The following GLDC variants were observed in gnomAD, a reference collection of about 807,000 sequenced individuals.
GLDC encodes the protein glycine decarboxylase, also known as glycine dehydrogenase (decarboxylating), mitochondrial.
In GLDC, 104 loss-of-function variants were observed where a neutral mutation model predicts 121.3. That is an observed-to-expected ratio of 0.86 (90% CI 0.73 to 1.01). The LOEUF (loss-of-function observed/expected upper bound fraction) is 1.01. Among genes scored for constraint, GLDC ranks in the 50% least tolerant of loss-of-function variants. GLDC has a pLI of 0.00. For missense variants in GLDC, 1,429 were observed against 1,306.6 expected, an observed-to-expected ratio of 1.09 and a Z score of -1.44; for synonymous variants, 546 against 480.6, an observed-to-expected ratio of 1.14 and a Z score of -1.78.
At chr9:6,588,339 T>A in intron 14 of GLDC, 62 bp downstream of exon 14, 1 of 1,110,646 alleles carries the variant, frequency 9.0e-7, no homozygotes, top group Admixed American at 1.7e-5. Context: ...AGTTCTGGGC[T>A]TAGGTGGAAG....
chr9:6,588,152 G>T (rs890591019), intron 14 of GLDC, among the ~76,000 whole-genome samples: 5 of 150,370 alleles, frequency 3.3e-5, no homozygotes, highest in Non-Finnish European at 5.9e-5. Flanking sequence ...AGGATAGAAA[G>T]GCATAAATAC....
chr9:6,540,059 T>C lies in GLDC; in HGVS notation c.2657A>G (p.Gln886Arg). ...TGTCAAAAGCCACTTACCATAATCC[T>C]GGAGTCTCTTGGCCACATCCACAGC... ...IEAVDVAKRLQDYGFHAPTMS... is the reference protein window; with the variant it reads ...IEAVDVAKRLRDYGFHAPTMS... Residue 886 changes from glutamine (Q) to arginine (R), a missense_variant, in exon 22 of 25, where the codon CAG becomes CGG. Transcript: ENST00000321612. 1 of 1,604,536 alleles carries C rather than the reference T, an allele frequency of 6.2e-7. No homozygotes were observed. The highest frequency in any genetic ancestry group is 1.3e-5 in the African/African-American group (1 of 74,870).
intron 3 of GLDC, among the ~76,000 whole-genome samples, chr9:6,612,154 A>C (rs181679628): frequency 2.4e-4 from 37 of 151,934 alleles, no homozygotes; most frequent in Non-Finnish European, 4.6e-4. Context: ...TCTTCAAGCA[A>C]AAATCCATTC....
intron 3 of GLDC, among the ~76,000 whole-genome samples, chr9:6,612,660 G>A (rs923969977): frequency 3.3e-5 from 5 of 152,088 alleles, no homozygotes; most frequent in Non-Finnish European, 5.9e-5. Flanking sequence ...TCAGGAGTTC[G>A]AGACGAGCCT....
intron 8 of GLDC, among the ~76,000 whole-genome samples, chr9:6,599,848 G>C (rs1334118340): frequency 1.3e-5 from 2 of 152,082 alleles, no homozygotes; most frequent in South Asian, 2.1e-4. Flanking sequence ...TTTGAAAAGA[G>C]GTGGCACCTT....
At chr9:6,596,676 A>T (rs1055955912) in intron 8 of GLDC, among the ~76,000 whole-genome samples, 1 of 152,236 alleles carries the variant, frequency 6.6e-6, no homozygotes, top group Non-Finnish European at 1.5e-5. Flanking sequence ...AATACAAAAC[A>T]AAACCACAGT....
Position 6,639,669 on chromosome 9 carries a change from GTATATATA to G in GLDC, c.334+4937_334+4944del. Reference sequence around the variant, plus strand: ...TATATCTTTTCACCATAAAAAAAAAGTATATATATATATATATATGGACAAAACAGATT... The same window carrying G: ...TATATCTTTTCACCATAAAAAAAAAGTATATATATATGGACAAAACAGATT... On this transcript the variant is annotated intron_variant, in intron 2 of 24. Transcript: ENST00000321612. 9.0e-6 allele frequency: 2 copies of G among 221,860 alleles called. 1 individual carries two copies. The highest frequency in any genetic ancestry group is 1.5e-5 in the Non-Finnish European group (2 of 132,324). The allele number at this position is 221,860 out of a possible 1,614,324, so 13.7% of individuals were successfully genotyped here. A position where few individuals can be genotyped will look rare whatever the true frequency, so the allele number is the denominator to read the frequency against.
intron 16 of GLDC, among the ~76,000 whole-genome samples, chr9:6,563,983 C>T (rs552162126): frequency 6.6e-6 from 1 of 152,018 alleles, no homozygotes; most frequent in African/African-American, 2.4e-5. Context: ...CAGTGGCTCA[C>T]ACCTATAATC....
chr9:6,583,809 G>T (rs1399707210), intron 15 of GLDC, among the ~76,000 whole-genome samples: 2 of 152,214 alleles, frequency 1.3e-5, no homozygotes, highest in African/African-American at 4.8e-5. Context: ...GGTTCCTAAA[G>T]TAGTCAAATT....
intron 16 of GLDC, among the ~76,000 whole-genome samples, chr9:6,559,695 G>T (rs1212303979): frequency 4.0e-5 from 6 of 150,624 alleles, no homozygotes; most frequent in African/African-American, 1.5e-4. Flanking sequence ...CACGCCTGTA[G>T]TCCCAGCTAC....
At chr9:6,534,304 CA>C (rs1240023226) in intron 24 of GLDC, 5 of 259,452 alleles carry the variant, frequency 1.9e-5, no homozygotes, top group African/African-American at 1.1e-4. Flanking sequence ...GATCCATAAA[CA>C]GCACATAGCA....
chr9:6,568,060 A>G (rs1817885519), intron 15 of GLDC, among the ~76,000 whole-genome samples: 2 of 152,234 alleles, frequency 1.3e-5, no homozygotes. Flanking sequence ...CATGAATTCT[A>G]TTCATCTGAC....
chr9:6,572,184 T>G (rs1817981221), intron 15 of GLDC, among the ~76,000 whole-genome samples: 3 of 152,146 alleles, frequency 2.0e-5, no homozygotes, highest in African/African-American at 7.2e-5. Flanking sequence ...TAAATTGAAC[T>G]CCATCATAAT....
chr9:6,586,932 C>T (rs1425606873), intron 15 of GLDC, among the ~76,000 whole-genome samples: 2 of 152,132 alleles, frequency 1.3e-5, no homozygotes, highest in Non-Finnish European at 2.9e-5. Context: ...TAGTGAACAT[C>T]CTCAAATGCA....
chr9:6,593,373 T>A (rs1180101992), intron 9 of GLDC, among the ~76,000 whole-genome samples: 1 of 151,474 alleles, frequency 6.6e-6, no homozygotes, highest in Non-Finnish European at 1.5e-5. Flanking sequence ...GCTGATTGCA[T>A]CCTCAAACTC....
At chr9:6,572,564 G>C (rs1407917196) in intron 15 of GLDC, among the ~76,000 whole-genome samples, 1 of 152,178 alleles carries the variant, frequency 6.6e-6, no homozygotes, top group Non-Finnish European at 1.5e-5. Context: ...ACACTAATAA[G>C]ACATGGAGGT....
At chr9:6,605,583 T>C (rs1446259711) in intron 5 of GLDC, among the ~76,000 whole-genome samples, 3 of 152,162 alleles carry the variant, frequency 2.0e-5, no homozygotes, top group African/African-American at 7.2e-5. Context: ...AGCCAATATT[T>C]GTTAACAACA....
At position 6,557,123 on chromosome 9, in the gene GLDC, A is replaced by G. The variant is rs188992147; in HGVS notation, c.2053-821T>C. 2.0e-5 allele frequency among the ~76,000 whole-genome samples: 3 copies of G among 152,324 alleles called. No homozygotes were observed. In the East Asian group the frequency reaches 5.8e-4, roughly 29 times the overall value. ...TACCACTGCAGGATGACTATATTTA[A>G]CAATATATAATTTTGAATAGTTAGA... On this transcript the variant is annotated intron_variant, in intron 17 of 24. Transcript: ENST00000321612.
At chr9:6,606,839 G>A (rs1333461203) in intron 4 of GLDC, among the ~76,000 whole-genome samples, 170 bp from the exon 5 acceptor site, 5 of 152,118 alleles carry the variant, frequency 3.3e-5, no homozygotes, top group Admixed American at 6.5e-5. Flanking sequence ...TTGGGAGGCC[G>A]AGGCGGGCAG....
Sources: gnomAD v4.1 joint callset for allele counts (sites outside exome capture counted in the v4.1 genomes callset) on GRCh38, gnomAD v4.1.1 for gene constraint, MANE v1.5 for transcripts, NCBI Gene and HGNC (gene_info 2026-07-23, HGNC 2026-07-21) for gene names.